The following INVS variants were observed in gnomAD, a reference collection of about 807,000 sequenced individuals.
The protein encoded by INVS is inversin.
INVS carries 86 observed loss-of-function variants against 108.8 expected under a neutral mutation model. The ratio of observed to expected loss-of-function variants is 0.79; its 90% confidence interval spans 0.66 to 0.95. INVS has a LOEUF of 0.95. INVS is among the 40% of genes least tolerant of loss of function. The probability of loss-of-function intolerance (pLI) is 0.00; values close to 1 mark genes in which losing one functional copy is unlikely to be tolerated. For missense variants in INVS, 1,169 were observed against 1,297.4 expected (o/e 0.90, Z 1.52); for synonymous variants, 455 against 473.5 (o/e 0.96, Z 0.51).
At chr9:100,165,308 G>T (rs1468287171) in intron 3 of INVS, among the ~76,000 whole-genome samples, 1 of 151,980 alleles carries the variant, frequency 6.6e-6, no homozygotes, top group Non-Finnish European at 1.5e-5. Context: ...TCTTAGGAGG[G>T]ACATAATGTT....
intron 8 of INVS, among the ~76,000 whole-genome samples, chr9:100,248,774 G>T (rs1245146244): frequency 1.3e-5 from 2 of 152,022 alleles, no homozygotes; most frequent in Non-Finnish European, 2.9e-5. Context: ...TGCTCTTTTA[G>T]AGTCCACCAA....
At chr9:100,250,120 A>C (rs2118547040) in intron 8 of INVS, among the ~76,000 whole-genome samples, 1 of 152,188 alleles carries the variant, frequency 6.6e-6, no homozygotes, top group South Asian at 2.1e-4. Context: ...ATAAAATAAA[A>C]ATAACCTTGA....
At chr9:100,237,110 TG>T (rs936377248) in intron 5 of INVS, among the ~76,000 whole-genome samples, 8 of 152,164 alleles carry the variant, frequency 5.3e-5, no homozygotes, top group Non-Finnish European at 1.2e-4. Context: ...TGCTGCGCTG[TG>T]GTGGGCTCCG....
chr9:100,300,206 A>G (rs1423506990), intron 16 of INVS, among the ~76,000 whole-genome samples: 2 of 152,228 alleles, frequency 1.3e-5, no homozygotes, highest in Non-Finnish European at 2.9e-5. Context: ...TTCTAGAACA[A>G]CTATTCAAAG....
chr9:100,269,517 T>C (rs978551996), intron 11 of INVS, among the ~76,000 whole-genome samples: 1 of 152,196 alleles, frequency 6.6e-6, no homozygotes, highest in Non-Finnish European at 1.5e-5. Context: ...TTTCAGTGTT[T>C]GGGGTTTCTT....
intron 3 of INVS, among the ~76,000 whole-genome samples, chr9:100,133,008 G>A (rs531086370): frequency 4.6e-4 from 70 of 152,264 alleles, no homozygotes; most frequent in African/African-American, 1.5e-3. Flanking sequence ...AGGAGGCTGA[G>A]GCAGGAGAAT....
chr9:100,287,215 C>T (rs532221318), intron 13 of INVS, among the ~76,000 whole-genome samples: 2 of 152,286 alleles, frequency 1.3e-5, no homozygotes, highest in African/African-American at 4.8e-5. Context: ...TGGTTTTCAT[C>T]CTCCAGTAGA....
chr9:100,226,363 A>G (rs1831321663), intron 4 of INVS, 128 bp downstream of exon 4: 1 of 732,208 alleles, frequency 1.4e-6, no homozygotes, highest in Non-Finnish European at 2.3e-6. Flanking sequence ...CCAAATCTCC[A>G]TACATCTCAG....
At position 100,107,127 on chromosome 9, in the gene INVS, G is replaced by A. The variant is rs1183586461; in HGVS notation, c.106+2500G>A. 3.3e-5 allele frequency among the ~76,000 whole-genome samples: 5 copies of A among 152,228 alleles called. No individual in the cohort carries two copies. In the South Asian group the frequency reaches 8.3e-4, roughly 25 times the overall value. ...ATAGAGAAGTGCATACAACTTATATGTACAATTTAACAAATAAACATAAAG... is the reference window on the plus strand; with the variant it reads ...ATAGAGAAGTGCATACAACTTATATATACAATTTAACAAATAAACATAAAG... On this transcript the variant is annotated intron_variant, in intron 2 of 16. Coordinates refer to ENST00000262457, the MANE Select transcript of INVS (RefSeq NM_014425.5).
intron 3 of INVS, among the ~76,000 whole-genome samples, chr9:100,167,661 G>A (rs1368271938): frequency 6.6e-6 from 1 of 152,080 alleles, no homozygotes; most frequent in African/African-American, 2.4e-5. Flanking sequence ...CTTGCTTATT[G>A]TCTTTTGCCC....
chr9:100,297,248 A>G (rs1833817208), intron 15 of INVS, 102 bp downstream of exon 15: 1 of 966,082 alleles, frequency 1.0e-6, no homozygotes, highest in Non-Finnish European at 1.6e-6. Context: ...TTCCATTCAG[A>G]TAAATTAGGT....
intron 10 of INVS, among the ~76,000 whole-genome samples, chr9:100,260,748 G>C (rs909385664): frequency 1.3e-5 from 2 of 152,060 alleles, no homozygotes; most frequent in African/African-American, 4.8e-5. Flanking sequence ...AGCTTGGGGG[G>C]AGATTTAATA....
intron 14 of INVS, among the ~76,000 whole-genome samples, chr9:100,295,098 T>G (rs1833750422): frequency 6.6e-6 from 1 of 152,190 alleles, no homozygotes. Context: ...TTTTAAGTAT[T>G]CTGGCTAAAA....
intron 3 of INVS, among the ~76,000 whole-genome samples, chr9:100,191,532 A>G (rs1830220301): frequency 6.6e-6 from 1 of 151,926 alleles, no homozygotes; most frequent in South Asian, 2.1e-4. Flanking sequence ...AAAAGTTCTG[A>G]TTGGTTTTTC....
rs1201941925 is a variant in INVS at position 100,252,330 on chromosome 9, T to C, written c.1126T>C (p.Leu376=). 3 of 1,613,982 alleles carry C rather than the reference T, an allele frequency of 1.9e-6. No homozygotes were observed. The highest frequency in any genetic ancestry group is 1.7e-5 in the Admixed American group (1 of 60,006). The change falls in exon 9 of 17, where the codon TTA becomes CTA. Residue 376 remains leucine, a synonymous_variant. Transcript: ENST00000262457. ...TGGCCATGTCAGCACCGTGAAGTTA[T>C]TACTGGAAAATAATGCTCAAGTAGA... is the stretch of plus-strand genomic sequence containing the variant. ...LSGHVSTVKL[L]LENNAQVDAT...
chr9:100,271,395 G>T (rs543323666), intron 11 of INVS, among the ~76,000 whole-genome samples: 1 of 152,284 alleles, frequency 6.6e-6, no homozygotes, highest in African/African-American at 2.4e-5. Flanking sequence ...GCAGTCCTCT[G>T]TTGATAGACA....
chr9:100,244,027 A>C (rs1454662366), intron 7 of INVS, among the ~76,000 whole-genome samples: 1 of 152,110 alleles, frequency 6.6e-6, no homozygotes, highest in Non-Finnish European at 1.5e-5. Context: ...AAATAAATAA[A>C]TAAATAATAC....
chr9:100,198,592 G>A (rs929590550), intron 3 of INVS, among the ~76,000 whole-genome samples: 27 of 148,200 alleles, frequency 1.8e-4, no homozygotes, highest in African/African-American at 2.8e-4. Context: ...AGCCACCGTC[G>A]CCTGGCATTT....
chr9:100,196,247 C>A (rs991122098), intron 3 of INVS, among the ~76,000 whole-genome samples: 22 of 152,086 alleles, frequency 1.4e-4, no homozygotes, highest in Non-Finnish European at 3.2e-4. Flanking sequence ...TCAATGATTT[C>A]TCCAAGGCCC....
Sources: gnomAD v4.1 joint callset for allele counts (sites outside exome capture counted in the v4.1 genomes callset) on GRCh38, gnomAD v4.1.1 for gene constraint, MANE v1.5 for transcripts, NCBI Gene and HGNC (gene_info 2026-07-23, HGNC 2026-07-21) for gene names.